FHIP1A: variants seen among roughly 807,000 people sequenced by gnomAD.
FHIP1A encodes FHF complex subunit HOOK-interacting protein 1A.
In FHIP1A, 61 loss-of-function variants were observed where a neutral mutation model predicts 88.6. The ratio of observed to expected loss-of-function variants is 0.69; its 90% CI spans 0.56 to 0.85. The LOEUF (loss-of-function observed/expected upper bound fraction) is 0.85. FHIP1A is among the 40% of genes least tolerant of loss of function. The probability of loss-of-function intolerance (pLI) is 0.00; values close to 1 mark genes in which losing one functional copy is unlikely to be tolerated. For missense variants in FHIP1A, 1,154 were observed against 1,273.5 expected (o/e 0.91, Z 1.43); for synonymous variants, 478 against 496.0 (o/e 0.96, Z 0.48).
At chr4:151,432,382 T>G (rs1308682747) in intron 1 of FHIP1A, among the ~76,000 whole-genome samples, 1 of 152,208 alleles carries the variant, frequency 6.6e-6, no homozygotes, top group Non-Finnish European at 1.5e-5. Flanking sequence ...TCCTGAACTT[T>G]TGATGATCTG....
chr4:151,431,775 A>G (rs1733602372), intron 1 of FHIP1A, among the ~76,000 whole-genome samples: 1 of 152,238 alleles, frequency 6.6e-6, no homozygotes, highest in Non-Finnish European at 1.5e-5. Flanking sequence ...TTCTGACATG[A>G]GTTGAACAAT....
chr4:151,432,892 G>A (rs879738338), intron 1 of FHIP1A, among the ~76,000 whole-genome samples: 2 of 152,240 alleles, frequency 1.3e-5, no homozygotes, highest in South Asian at 2.1e-4. Flanking sequence ...AGAGGAGGAA[G>A]TGCTTACTTT....
In FHIP1A at chr4:151,543,895, G is replaced by T. The variant is rs114182403; in HGVS notation, c.-122-22243G>T. ...GGTATGTTTGCAAAATTGCCTTTCA[G>T]TAGGTTGTATCTATTTATTACTTCT... On this transcript the variant is annotated intron_variant, in intron 3 of 13. Coordinates refer to ENST00000435205, the MANE Select transcript of FHIP1A (RefSeq NM_001109977.3). Among the ~76,000 whole-genome samples the T allele has an allele frequency of 6.1e-3, 933 of 152,296 alleles. 12 individuals carry two copies. Among genetic ancestry groups the T allele is most frequent in the African/African-American group, 0.021 (870 of 41,558 alleles).
intron 3 of FHIP1A, among the ~76,000 whole-genome samples, chr4:151,496,838 A>G (rs1313415001): frequency 6.6e-6 from 1 of 151,308 alleles, no homozygotes; most frequent in Non-Finnish European, 1.5e-5. Flanking sequence ...CTGGGATTAC[A>G]GGTGTGAGCC....
chr4:151,432,408 T>C (rs1733625275), intron 1 of FHIP1A, among the ~76,000 whole-genome samples: 1 of 152,216 alleles, frequency 6.6e-6, no homozygotes, highest in African/African-American at 2.4e-5. Context: ...TGCCAGGCAC[T>C]GTTCTAGGTG....
chr4:151,591,867 T>C (rs1387368640), intron 7 of FHIP1A, among the ~76,000 whole-genome samples: 1 of 152,218 alleles, frequency 6.6e-6, no homozygotes, highest in Non-Finnish European at 1.5e-5. Context: ...AGTCTATCAT[T>C]GATGGGCATT....
At chr4:151,420,580 A>G in intron 1 of FHIP1A, among the ~76,000 whole-genome samples, 1 of 152,330 alleles carries the variant, frequency 6.6e-6, no homozygotes, top group Non-Finnish European at 1.5e-5. Context: ...CTGGCACCTG[A>G]ATCTCCATAC....
intron 1 of FHIP1A, among the ~76,000 whole-genome samples, chr4:151,414,300 G>A (rs780436662): frequency 6.6e-6 from 1 of 152,080 alleles, no homozygotes; most frequent in Non-Finnish European, 1.5e-5. Context: ...TGATCTGCCC[G>A]CCTCGGCCTC....
intron 7 of FHIP1A, among the ~76,000 whole-genome samples, chr4:151,608,570 T>C (rs954099383): frequency 7.2e-5 from 11 of 152,222 alleles, no homozygotes; most frequent in Non-Finnish European, 1.3e-4. Flanking sequence ...GGCACCCAGG[T>C]GCTCCAGTGA....
intron 7 of FHIP1A, among the ~76,000 whole-genome samples, chr4:151,608,037 CTTTT>C (rs376335318): frequency 8.9e-5 from 6 of 67,094 alleles, no homozygotes; most frequent in Non-Finnish European, 1.7e-4. Flanking sequence ...CTTTCTTCTT[CTTTT>C]TTTTTTTTTT....
chr4:151,632,994 TAAAG>T (rs1156922438), intron 8 of FHIP1A, among the ~76,000 whole-genome samples: 2 of 151,614 alleles, frequency 1.3e-5, no homozygotes, highest in South Asian at 2.1e-4. Context: ...ATCAATGAAA[TAAAG>T]AATAGAAAAA....
chr4:151,656,978 C>A lies in FHIP1A; in HGVS notation c.2869+80C>A. 1 of 1,348,146 alleles carries A rather than the reference C, an allele frequency of 7.4e-7. No homozygotes were observed. Among genetic ancestry groups the A allele is most frequent in the South Asian group, 1.5e-5 (1 of 66,914 alleles). The allele number at this position is 1,348,146 out of a possible 1,614,324, so 83.5% of individuals were successfully genotyped here. A position where few individuals can be genotyped will look rare whatever the true frequency, so the allele number is the denominator to read the frequency against. ...GCCTACTGGCCTCAGTTCACAGATG[C>A]TGCACTGGCTTCTGGATCCTAGAAG... On this transcript the variant is annotated intron_variant, in intron 13 of 13. Coordinates refer to ENST00000435205, the MANE Select transcript of FHIP1A (RefSeq NM_001109977.3). The surrounding 1 kb of genome is among the most constrained non-coding windows in gnomAD (Gnocchi z 4.2).
chr4:151,591,799 A>ATATTCCATGGTG (rs921843740), intron 7 of FHIP1A, among the ~76,000 whole-genome samples: 18 of 152,252 alleles, frequency 1.2e-4, no homozygotes, highest in East Asian at 1.9e-4. Flanking sequence ...TTATGGCTGC[A>ATATTCCATGGTG]TATTCCATGG....
At chr4:151,499,038 G>T (rs1730559384) in intron 3 of FHIP1A, among the ~76,000 whole-genome samples, 1 of 152,212 alleles carries the variant, frequency 6.6e-6, no homozygotes, top group Admixed American at 6.5e-5. Flanking sequence ...GATTATATCT[G>T]CCCTGGTTCT....
Position 151,419,329 on chromosome 4 carries a change from A to G in FHIP1A, c.-356+9864A>G, listed in dbSNP as rs549640193. 1.4e-4 allele frequency among the ~76,000 whole-genome samples: 22 copies of G among 152,302 alleles called. No homozygotes were observed. In the East Asian group the frequency reaches 4.0e-3, roughly 28 times the overall value. ...CTGCCTTCAGATTCAGACTCAAACT[A>G]TAACTTATGTTATTGTCTCTCTTGG... On this transcript the variant is annotated intron_variant, in intron 1 of 13. Transcript: ENST00000435205.
At chr4:151,522,346 G>T (rs1248134603) in intron 3 of FHIP1A, among the ~76,000 whole-genome samples, 1 of 152,198 alleles carries the variant, frequency 6.6e-6, no homozygotes, top group African/African-American at 2.4e-5. Context: ...AGTTGTATTG[G>T]CTTTGAAGTT....
intron 3 of FHIP1A, among the ~76,000 whole-genome samples, chr4:151,519,370 C>T (rs1474189311): frequency 6.6e-6 from 1 of 152,092 alleles, no homozygotes; most frequent in Non-Finnish European, 1.5e-5. Context: ...GGTTCTTTCA[C>T]TCATCATAAT....
intron 3 of FHIP1A, among the ~76,000 whole-genome samples, chr4:151,525,038 A>T (rs1731580433): frequency 6.6e-6 from 1 of 152,322 alleles, no homozygotes; most frequent in Admixed American, 6.5e-5. Context: ...TTGCAGAAAG[A>T]TCATTCTAGC....
At chr4:151,430,663 A>G (rs1733555869) in intron 1 of FHIP1A, among the ~76,000 whole-genome samples, 2 of 152,198 alleles carry the variant, frequency 1.3e-5, no homozygotes, top group South Asian at 4.1e-4. Flanking sequence ...ACACTTTTGG[A>G]TATACTGAAC....
Sources: allele counts gnomAD v4.1 joint callset (sites outside exome capture counted in the v4.1 genomes callset), GRCh38; gene constraint gnomAD v4.1.1; non-coding constraint Gnocchi (gnomAD v3.1); transcripts MANE v1.5; gene names NCBI Gene and HGNC (gene_info 2026-07-23, HGNC 2026-07-21).